The following ITPR2 variants were observed in gnomAD, a reference collection of about 807,000 sequenced individuals.
ITPR2 encodes the protein inositol 1,4,5-trisphosphate-gated calcium channel ITPR2.
A neutral mutation model predicts 317.1 loss-of-function variants in ITPR2; 207 were observed. The ratio of observed to expected loss-of-function variants is 0.65; its 90% CI spans 0.58 to 0.73. The LOEUF is 0.73. Among genes scored for constraint, ITPR2 ranks in the 30% least tolerant of loss-of-function variants. The probability of loss-of-function intolerance (pLI) is 0.00; values close to 1 mark genes in which losing one functional copy is unlikely to be tolerated. For synonymous variants in ITPR2, 1,156 were observed against 1,149.1 expected, an observed-to-expected ratio of 1.01 and a Z score of -0.12; for missense variants, 2,613 against 3,284.0, an observed-to-expected ratio of 0.80 and a Z score of 4.99.
At chr12:26,673,538 C>T (rs1314534744) in intron 13 of ITPR2, among the ~76,000 whole-genome samples, 380 of 150,838 alleles carry the variant, frequency 2.5e-3, no homozygotes, top group African/African-American at 8.2e-3. Context: ...ATTGATGGGA[C>T]GTATCTCAAA....
At chr12:26,542,041 G>A (rs766519757) in intron 37 of ITPR2, among the ~76,000 whole-genome samples, 1 of 152,180 alleles carries the variant, frequency 6.6e-6, no homozygotes, top group Non-Finnish European at 1.5e-5. Context: ...CTGGGCATTT[G>A]TAAAGATCAC....
chr12:26,646,925 T>G (rs1245141435), intron 21 of ITPR2, among the ~76,000 whole-genome samples: 1 of 152,184 alleles, frequency 6.6e-6, no homozygotes, highest in Non-Finnish European at 1.5e-5. Context: ...AATTTGAAAT[T>G]GAGCAAAAGC....
chr12:26,824,509 A>G (rs919671203), intron 1 of ITPR2, among the ~76,000 whole-genome samples: 7 of 152,228 alleles, frequency 4.6e-5, no homozygotes, highest in Non-Finnish European at 7.3e-5. Flanking sequence ...TATTTCAGTA[A>G]TAACAGTTTC....
At chr12:26,757,340 C>A (rs773361726) in intron 2 of ITPR2, among the ~76,000 whole-genome samples, 1 of 151,902 alleles carries the variant, frequency 6.6e-6, no homozygotes, top group Non-Finnish European at 1.5e-5. Flanking sequence ...CTCAGCCTCC[C>A]GAGTAGCTGG....
intron 45 of ITPR2, among the ~76,000 whole-genome samples, chr12:26,463,388 C>A (rs752441930): frequency 1.3e-5 from 2 of 151,960 alleles, no homozygotes; most frequent in South Asian, 4.2e-4. Flanking sequence ...GTACTCTGGC[C>A]GGGCTCGGTG....
chr12:26,497,158 T>TC (rs1248395483), intron 37 of ITPR2, among the ~76,000 whole-genome samples: 1 of 148,100 alleles, frequency 6.8e-6, no homozygotes, highest in Non-Finnish European at 1.5e-5. Flanking sequence ...TCTCTCTCTT[T>TC]TTTTTTTTTT....
chr12:26,369,633 A>G (rs113973272), intron 55 of ITPR2, among the ~76,000 whole-genome samples: 2,217 of 152,348 alleles, frequency 0.015, 58 homozygotes, highest in African/African-American at 0.048. Flanking sequence ...AAAGACTTAT[A>G]CTAGTTTTGT....
intron 44 of ITPR2, among the ~76,000 whole-genome samples, chr12:26,475,850 C>T (rs1942405073): frequency 6.6e-6 from 1 of 152,128 alleles, no homozygotes; most frequent in Non-Finnish European, 1.5e-5. Flanking sequence ...CAGTGCGGTG[C>T]CATCGGTCCT....
intron 26 of ITPR2, among the ~76,000 whole-genome samples, chr12:26,618,647 G>A (rs988469688): frequency 2.6e-5 from 4 of 152,142 alleles, no homozygotes; most frequent in Non-Finnish European, 1.5e-5. Flanking sequence ...CTCCTATGTA[G>A]ATATCCCAAA....
intron 55 of ITPR2, among the ~76,000 whole-genome samples, chr12:26,368,289 C>T (rs750853126): frequency 5.3e-5 from 8 of 152,124 alleles, no homozygotes; most frequent in Non-Finnish European, 1.0e-4. Context: ...AGTAACTTGG[C>T]CAAACTCTTT....
At chr12:26,384,529 A>G (rs1308914249) in intron 55 of ITPR2, among the ~76,000 whole-genome samples, 1 of 152,234 alleles carries the variant, frequency 6.6e-6, no homozygotes, top group Admixed American at 6.5e-5. Flanking sequence ...AAGCTCTGAC[A>G]GAAGAGGCTG....
intron 2 of ITPR2, among the ~76,000 whole-genome samples, chr12:26,755,332 T>C (rs1250125922): frequency 6.6e-6 from 1 of 152,198 alleles, no homozygotes; most frequent in African/African-American, 2.4e-5. Context: ...TTCTGATAAC[T>C]TTGGAGATTG....
At chr12:26,571,514 A>G (rs1945159722) in intron 34 of ITPR2, among the ~76,000 whole-genome samples, 1 of 152,230 alleles carries the variant, frequency 6.6e-6, no homozygotes, top group South Asian at 2.1e-4. Context: ...TCTCATGTAT[A>G]GCTTAAATTA....
At chr12:26,784,886 T>C (rs1408111938) in intron 2 of ITPR2, among the ~76,000 whole-genome samples, 2 of 102,298 alleles carry the variant, frequency 2.0e-5, no homozygotes, top group African/African-American at 3.4e-5. Context: ...CCATCCCATC[T>C]AGGAAGCGAG....
chr12:26,621,239 G>C lies in ITPR2; in HGVS notation c.3346C>G (p.Leu1116Val). 1 of 1,613,740 alleles carries C rather than the reference G, an allele frequency of 6.2e-7. No individual in the cohort carries two copies. Among genetic ancestry groups the C allele is most frequent in the Non-Finnish European group, 8.5e-7 (1 of 1,179,724 alleles). The change falls in exon 26 of 57, where the codon CTA (leucine) becomes GTA (valine). Residue 1116 changes from leucine to valine, a missense_variant. Leu to Val is a conservative substitution (Grantham distance 32). This residue lies in a region of ITPR2 where 817 missense variants were observed against 897.6 expected (regional missense o/e 0.91). Transcript: ENST00000381340. The stretch of plus-strand genomic sequence containing the variant: ...TCTACTGTCAGTCGAAGCTGGTCTA[G>C]ATCTGCCTTGATTTGCTTGTAGTTA... ...VDNYKQIKAD[L>V]DQLRLTVEKS...
chr12:26,373,932 T>G (rs1460671777), intron 55 of ITPR2, among the ~76,000 whole-genome samples: 1 of 152,210 alleles, frequency 6.6e-6, no homozygotes. Context: ...AGGCAGAGCT[T>G]GCCCCTAGCC....
At chr12:26,647,165 T>A (rs557058356) in intron 21 of ITPR2, among the ~76,000 whole-genome samples, 5 of 152,166 alleles carry the variant, frequency 3.3e-5, no homozygotes, top group Non-Finnish European at 7.3e-5. Context: ...CCAGTCCCGT[T>A]CAAACAGCAA....
At chr12:26,561,640 T>C in intron 35 of ITPR2, 122 bp downstream of exon 35, 1 of 765,610 alleles carries the variant, frequency 1.3e-6, no homozygotes, top group Non-Finnish European at 2.0e-6. Context: ...TAGAGAGTTG[T>C]AAAGCAAGGC....
intron 49 of ITPR2, among the ~76,000 whole-genome samples, chr12:26,425,303 T>C (rs1202811238): frequency 6.6e-6 from 1 of 152,182 alleles, no homozygotes; most frequent in Non-Finnish European, 1.5e-5. Context: ...TGTCAATATC[T>C]ACAATATCAA....
Sources: gnomAD v4.1 joint callset for allele counts (sites outside exome capture counted in the v4.1 genomes callset) on GRCh38, gnomAD v4.1.1 for gene constraint, gnomAD v4.1.1 regional missense constraint, MANE v1.5 for transcripts, NCBI Gene and HGNC (gene_info 2026-07-23, HGNC 2026-07-21) for gene names.